The following FGF1 variants were observed in gnomAD, a reference collection of about 807,000 sequenced individuals.
The protein encoded by FGF1 is fibroblast growth factor 1.
In FGF1, 9 loss-of-function variants were observed where a neutral mutation model predicts 13.4. The observed-to-expected ratio is 0.67, with a 90% CI of 0.40 to 1.17. The LOEUF (loss-of-function observed/expected upper bound fraction) is 1.17. FGF1 is among the 50% of genes most tolerant of loss of function. The pLI is 0.01. For missense variants in FGF1, 156 were observed against 192.7 expected, an observed-to-expected ratio of 0.81 and a Z score of 1.13; for synonymous variants, 93 against 79.0, an observed-to-expected ratio of 1.18 and a Z score of -0.94.
chr5:142,647,559 T>G lies in FGF1; in HGVS notation c.-34-33398A>C, dbSNP rs534939660. Among the ~76,000 whole-genome samples, 15 of 152,340 alleles carry G rather than the reference T, an allele frequency of 9.8e-5. No individual in the cohort carries two copies. In the East Asian group the frequency reaches 2.9e-3, roughly 29 times the overall value. On this transcript the variant is annotated intron_variant, in intron 1 of 3. Transcript: ENST00000337706. ...AAGGGCCTCACCAATGGGCCTAAGA[T>G]GGTAGACCACTCCACTCCTACCTGT...
intron 2 of FGF1, chr5:142,601,044 C>T (rs1301046618): frequency 1.3e-5 from 8 of 607,118 alleles, no homozygotes; most frequent in Admixed American, 4.0e-5. Context: ...GGCCGGCTCA[C>T]CTACCTGTCC....
chr5:142,645,618 C>T (rs999825030), intron 1 of FGF1, among the ~76,000 whole-genome samples: 1 of 152,188 alleles, frequency 6.6e-6, no homozygotes, highest in Non-Finnish European at 1.5e-5. Flanking sequence ...AAGACTATCC[C>T]TACAAATCCT....
chr5:142,635,716 G>C (rs748508883), intron 1 of FGF1, among the ~76,000 whole-genome samples: 20 of 152,116 alleles, frequency 1.3e-4, no homozygotes, highest in Non-Finnish European at 2.2e-4. Flanking sequence ...CCCAACAAAG[G>C]GTTCTGACTT....
intron 3 of FGF1, among the ~76,000 whole-genome samples, chr5:142,596,821 A>G (rs866375552): frequency 5.3e-5 from 8 of 152,138 alleles, no homozygotes; most frequent in Non-Finnish European, 1.2e-4. Flanking sequence ...AAAAGAAAAA[A>G]CTATCCCAAA....
rs1325469913 is a variant in FGF1, at chr5:142,592,788, G to A, written c.*2502C>T. ...TGCCATGTCCTCTGACATTTTGATA[G>A]GGGTTTATTTTATGCTGGGGTTGCT... On this transcript the variant is annotated 3_prime_UTR_variant, in exon 4 of 4. Coordinates refer to ENST00000337706, the MANE Select transcript of FGF1 (RefSeq NM_000800.5). 1 of 183,984 alleles carries A rather than the reference G, an allele frequency of 5.4e-6. No homozygotes were observed. The highest frequency in any genetic ancestry group is 1.1e-4 in the East Asian group (1 of 9,058). The allele number at this position is 183,984 out of a possible 1,614,324, so 11.4% of individuals were successfully genotyped here.
At chr5:142,611,511 G>A (rs889858510) in intron 2 of FGF1, among the ~76,000 whole-genome samples, 5 of 152,156 alleles carry the variant, frequency 3.3e-5, no homozygotes, top group Admixed American at 6.5e-5. Flanking sequence ...AGCTTCTTTC[G>A]CAGAGTTTGC....
chr5:142,628,174 T>G (rs375124301), intron 1 of FGF1, among the ~76,000 whole-genome samples: 10 of 152,194 alleles, frequency 6.6e-5, no homozygotes, highest in African/African-American at 2.4e-4. Context: ...AAGTCTGCCT[T>G]GGTATCTAGC....
At chr5:142,603,910 G>A (rs1339442976) in intron 2 of FGF1, among the ~76,000 whole-genome samples, 1 of 152,188 alleles carries the variant, frequency 6.6e-6, no homozygotes, top group Non-Finnish European at 1.5e-5. Flanking sequence ...TACATGGAAT[G>A]CCAATAGAAT....
Position 142,674,068 on chromosome 5 carries a change from T to C in FGF1, c.-35+11889A>G, listed in dbSNP as rs1772013106. On this transcript the variant is annotated intron_variant, in intron 1 of 3. Transcript: ENST00000337706. ...GAGGAACAGTCCTCACCCTGCTTCA[T>C]GTGTGCCTGGTGCCCCTTGTTCTAC... Among the ~76,000 whole-genome samples, 5 of 152,184 alleles carry C rather than the reference T, an allele frequency of 3.3e-5. 1 individual carries two copies. Among genetic ancestry groups the C allele is most frequent in the Admixed American group, 2.6e-4 (4 of 15,272 alleles).
chr5:142,631,258 T>C lies in FGF1; in HGVS notation c.-34-17097A>G, dbSNP rs139617491. Among the ~76,000 whole-genome samples, 82 of 152,326 alleles carry C rather than the reference T, an allele frequency of 5.4e-4. 2 individuals carry two copies. Among genetic ancestry groups the C allele is most frequent in the Middle Eastern group, 6.8e-3 (2 of 294 alleles). ...AGCAAATATAGAGATAATTATTGAT[T>C]CTTGCTCATCAAGTCCCTGTTCCCT... On this transcript the variant is annotated intron_variant, in intron 1 of 3. Coordinates refer to ENST00000337706, the MANE Select transcript of FGF1 (RefSeq NM_000800.5).
chr5:142,625,554 C>T (rs1376209740), intron 1 of FGF1, among the ~76,000 whole-genome samples: 7 of 152,188 alleles, frequency 4.6e-5, no homozygotes, highest in African/African-American at 7.2e-5. Context: ...GCTCTGCCGG[C>T]CCCCATTCTG....
At chr5:142,688,966 C>T (rs1193412030), upstream of FGF1, among the ~76,000 whole-genome samples, 1 of 152,180 alleles carries the variant, frequency 6.6e-6, no homozygotes, top group African/African-American at 2.4e-5. Flanking sequence ...GAAAATCAGA[C>T]ATATAACTAT....
At chr5:142,697,369 T>A (rs1753294682) in intron 2 of FGF1, among the ~76,000 whole-genome samples, 1 of 152,326 alleles carries the variant, frequency 6.6e-6, no homozygotes, top group Non-Finnish European at 1.5e-5. Flanking sequence ...GTAGGAACCA[T>A]TTCCTGCTTC....
At position 142,620,200 on chromosome 5, in the gene FGF1, G is replaced by A. The variant is rs540639726; in HGVS notation, c.-34-6039C>T. ...TGGGAGGCCGAGGTGGGCGGATCAC[G>A]AGGTAAGGAGATCGAGACCATCCTG... On this transcript the variant is annotated intron_variant, in intron 1 of 3. Transcript: ENST00000337706. 1.2e-4 allele frequency among the ~76,000 whole-genome samples: 19 copies of A among 152,232 alleles called. No individual in the cohort carries two copies. In the South Asian group the frequency reaches 1.7e-3, roughly 13 times the overall value.
At chr5:142,686,856 G>C (rs1051452519), upstream of FGF1, among the ~76,000 whole-genome samples, 3 of 152,274 alleles carry the variant, frequency 2.0e-5, no homozygotes, top group African/African-American at 7.2e-5. Context: ...GAATCCTCAG[G>C]TGAGCTCAAC....
chr5:142,693,103 A>G (rs946287472), intron 2 of FGF1, among the ~76,000 whole-genome samples: 3 of 152,164 alleles, frequency 2.0e-5, no homozygotes, highest in African/African-American at 7.2e-5. Context: ...CTAAGGAGAA[A>G]TTAATTGATC....
intron 2 of FGF1, among the ~76,000 whole-genome samples, chr5:142,694,445 A>G (rs1485782763): frequency 2.6e-5 from 4 of 152,218 alleles, no homozygotes; most frequent in Non-Finnish European, 5.9e-5. Flanking sequence ...GTGTGCATCA[A>G]AGAAACAAGA....
intron 2 of FGF1, among the ~76,000 whole-genome samples, chr5:142,694,511 G>T (rs529262021): frequency 6.6e-6 from 1 of 152,224 alleles, no homozygotes; most frequent in African/African-American, 2.4e-5. Context: ...GCCGAGTCCA[G>T]TGGCTTGATG....
At chr5:142,684,349 A>C (rs980804718) in intron 1 of FGF1, among the ~76,000 whole-genome samples, 2 of 152,252 alleles carry the variant, frequency 1.3e-5, no homozygotes, top group African/African-American at 4.8e-5. Flanking sequence ...GATCCTTTGC[A>C]GAACTAGTCA....
Sources: allele counts gnomAD v4.1 joint callset (sites outside exome capture counted in the v4.1 genomes callset), GRCh38; gene constraint gnomAD v4.1.1; transcripts MANE v1.5; gene names NCBI Gene and HGNC (gene_info 2026-07-23, HGNC 2026-07-21).